CEP95: variants seen among roughly 807,000 people sequenced by gnomAD.
The protein encoded by CEP95 is centrosomal protein 95.
CEP95 carries 98 observed loss-of-function variants against 111.2 expected under a neutral mutation model. The observed-to-expected ratio is 0.88, with a 90% confidence interval of 0.75 to 1.04. The LOEUF is 1.04. Among genes scored for constraint, CEP95 ranks in the 50% least tolerant of loss-of-function variants. The pLI is 0.00. For synonymous variants in CEP95, 323 were observed against 327.1 expected, an observed-to-expected ratio of 0.99 and a Z score of 0.14; for missense variants, 1,027 against 977.2, an observed-to-expected ratio of 1.05 and a Z score of -0.68.
Position 64,536,708 on chromosome 17 carries a change from A to AT in CEP95, c.2177_2178insT (p.Gln726HisfsTer3). Reference sequence around the variant, plus strand: ...CGAGATGAACAAAGGAGACGCCACCAGGATGAACTGGACTCCATGGAGAAC... The same window carrying AT: ...CGAGATGAACAAAGGAGACGCCACCATGGATGAACTGGACTCCATGGAGAAC... On this transcript the variant is annotated frameshift_variant, in exon 18 of 20. Transcript: ENST00000556440. LOFTEE classifies it high-confidence loss of function. The AT allele has an allele frequency of 6.2e-7, 1 of 1,612,750 alleles. No homozygotes were observed. Among genetic ancestry groups the AT allele is most frequent in the Non-Finnish European group, 8.5e-7 (1 of 1,179,518 alleles).
intron 6 of CEP95, among the ~76,000 whole-genome samples, chr17:64,520,324 T>C (rs1967217198): frequency 6.6e-6 from 1 of 152,210 alleles, no homozygotes; most frequent in Non-Finnish European, 1.5e-5. Context: ...GAGAGATGCC[T>C]GGCCAAGGTG....
chr17:64,510,884 C>T (rs1555674711), intron 3 of CEP95, among the ~76,000 whole-genome samples: 1 of 152,112 alleles, frequency 6.6e-6, no homozygotes, highest in Non-Finnish European at 1.5e-5. Context: ...CACGTAGGTT[C>T]TTTTCTATTT....
In CEP95 at chr17:64,507,041, A is replaced by G. The variant is rs1183081116; in HGVS notation, c.-57A>G. The G allele has an allele frequency of 1.3e-6, 2 of 1,548,966 alleles. No individual in the cohort carries two copies. Among genetic ancestry groups the G allele is most frequent in the Non-Finnish European group, 1.7e-6 (2 of 1,145,582 alleles). On this transcript the variant is annotated 5_prime_UTR_variant, in exon 1 of 20. Coordinates refer to ENST00000556440, the MANE Select transcript of CEP95 (RefSeq NM_138363.3). ...CGGGTCTGCGTGGATCGGTCCTTCCAGGACACCGTCGCCTTCCCGGCCGCG... is the reference window on the plus strand; with the variant it reads ...CGGGTCTGCGTGGATCGGTCCTTCCGGGACACCGTCGCCTTCCCGGCCGCG...
Position 64,532,989 on chromosome 17 carries a change from A to T in CEP95, c.1823A>T (p.Lys608Met). Residue 608 changes from lysine (K) to methionine (M), a missense_variant, in exon 15 of 20, where the codon AAG (lysine) becomes ATG (methionine). Lys to Met is a moderately conservative substitution (Grantham distance 95). Coordinates refer to ENST00000556440, the MANE Select transcript of CEP95 (RefSeq NM_138363.3). ...KKEACRENRS[K>M]KKLQDEIEEA... ...GAAGCATGTAGAGAAAATCGATCAA[A>T]GAAGAAACTCCAAGATGAAGTAAGT... 3 of 1,611,884 alleles carry T rather than the reference A, an allele frequency of 1.9e-6. No individual in the cohort carries two copies. Among genetic ancestry groups the T allele is most frequent in the Non-Finnish European group, 2.5e-6 (3 of 1,179,412 alleles).
At chr17:64,513,475 A>T (rs529662246) in intron 3 of CEP95, among the ~76,000 whole-genome samples, 1 of 152,336 alleles carries the variant, frequency 6.6e-6, no homozygotes, top group South Asian at 2.1e-4. Flanking sequence ...AATCATTTAT[A>T]TTAAAAATCT....
At chr17:64,519,188 ATAAGCAGCAAGACATGC>A (rs1967117989) in intron 5 of CEP95, 116 bp from the exon 6 acceptor site, 1 of 624,550 alleles carries the variant, frequency 1.6e-6, no homozygotes, top group Non-Finnish European at 2.9e-6. Flanking sequence ...AAAACAAAAC[ATAAGCAGCAAGACATGC>A]TAAGCAGCAA....
chr17:64,518,662 G>C (rs1967063565), intron 5 of CEP95, among the ~76,000 whole-genome samples: 1 of 152,140 alleles, frequency 6.6e-6, no homozygotes, highest in Non-Finnish European at 1.5e-5. Context: ...ATGTGTCTCA[G>C]AGGAGACCAT....
chr17:64,507,218 C>G, intron 1 of CEP95, 102 bp downstream of exon 1: 1 of 1,531,016 alleles, frequency 6.5e-7, no homozygotes, highest in Non-Finnish European at 8.8e-7. Flanking sequence ...CGGCGGGGCT[C>G]GTGACCTTCA....
At chr17:64,506,780 G>T, upstream of CEP95, 1 of 533,154 alleles carries the variant, frequency 1.9e-6, no homozygotes, top group South Asian at 2.1e-5. Context: ...CGCACCCCGG[G>T]ACCCGCCCGG....
chr17:64,519,020 T>C (rs1555677034), intron 5 of CEP95, among the ~76,000 whole-genome samples: 1 of 151,734 alleles, frequency 6.6e-6, no homozygotes, highest in African/African-American at 2.4e-5. Flanking sequence ...AGTAACAAAA[T>C]AAGCGCAAAA....
rs1184816135 is a variant in CEP95 at position 64,507,108 on chromosome 17, C to G, written c.11C>G (p.Ser4Trp). Residue 4 changes from serine to tryptophan, a missense_variant, in exon 1 of 20, where the codon TCG (serine) becomes TGG (tryptophan). Transcript: ENST00000556440. ...ACCTGCCTCTGAAACATGGCAGGCT[C>G]GGATGCTGGTGAGTGTCTCCCTGGG... MAG[S>W]DAEWVTIANN... 6.4e-7 allele frequency: 1 copy of G among 1,551,446 alleles called. No individual in the cohort carries two copies. Among genetic ancestry groups the G allele is most frequent in the Non-Finnish European group, 8.7e-7 (1 of 1,146,958 alleles).
At chr17:64,534,308 G>A (rs1481053421) in intron 16 of CEP95, 1 of 336,886 alleles carries the variant, frequency 3.0e-6, no homozygotes, top group Non-Finnish European at 5.5e-6. Flanking sequence ...GGCCAGCCTT[G>A]TTAGCAGCTT....
intron 2 of CEP95, among the ~76,000 whole-genome samples, chr17:64,508,931 T>G (rs2038743048): frequency 6.6e-6 from 1 of 151,932 alleles, no homozygotes; most frequent in Non-Finnish European, 1.5e-5. Flanking sequence ...TGTATAATTA[T>G]AATATTGTAT....
chr17:64,535,272 G>A (rs566324918), intron 17 of CEP95: 61 of 162,002 alleles, frequency 3.8e-4, no homozygotes, highest in Non-Finnish European at 6.8e-4. Context: ...GCTTTGAGGA[G>A]AGCGTAAGTA....
chr17:64,537,402 G>T (rs1276634763), intron 19 of CEP95: 1 of 1,373,686 alleles, frequency 7.3e-7, no homozygotes, highest in Non-Finnish European at 9.4e-7. Flanking sequence ...ATGGAGAGAA[G>T]ACTAATAAGG....
At chr17:64,516,043 C>T (rs982660261) in intron 4 of CEP95, 2 of 152,098 alleles carry the variant, frequency 1.3e-5, no homozygotes, top group Admixed American at 1.3e-4. Context: ...GGCACACAGC[C>T]TAGCTCAGAG....
intron 1 of CEP95, chr17:64,507,388 A>G (rs2038609889): frequency 7.2e-7 from 1 of 1,391,626 alleles, no homozygotes; most frequent in African/African-American, 1.5e-5. Context: ...GAGCGGTCAG[A>G]AGGGTCGTCC....
chr17:64,514,462 A>G, intron 4 of CEP95, 104 bp downstream of exon 4: 1 of 653,456 alleles, frequency 1.5e-6, no homozygotes, highest in East Asian at 2.8e-5. Context: ...AGATTCACTA[A>G]TACAGTATAC....
In CEP95 at chr17:64,529,392, C is replaced by T; in HGVS notation, c.1411C>T (p.Pro471Ser). ...CTTGGAGAGAAAAAGGCAGCGCAAG[C>T]CAAGAGAAACAGATGTCCGCCAATT... is the stretch of plus-strand genomic sequence containing the variant. ...FHLERKRQRK[P>S]RETDVRQFQA... Residue 471 changes from proline (P) to serine (S), a missense_variant, in exon 12 of 20, where the codon CCA becomes TCA. Transcript: ENST00000556440. The T allele has an allele frequency of 6.2e-7, 1 of 1,613,860 alleles. No homozygotes were observed. Among genetic ancestry groups the T allele is most frequent in the Non-Finnish European group, 8.5e-7 (1 of 1,179,818 alleles).
Sources: allele counts gnomAD v4.1 joint callset (sites outside exome capture counted in the v4.1 genomes callset), GRCh38; gene constraint gnomAD v4.1.1; transcripts MANE v1.5; gene names NCBI Gene and HGNC (gene_info 2026-07-23, HGNC 2026-07-21).